Variants in CCDC178 observed in about 807,000 individuals in gnomAD.
CCDC178 encodes coiled-coil domain-containing protein 178.
CCDC178 carries 126 observed loss-of-function variants against 117.4 expected under a neutral mutation model. That is an observed-to-expected ratio of 1.07 (90% confidence interval 0.93 to 1.24). The LOEUF (loss-of-function observed/expected upper bound fraction) is 1.24, where lower values mean the gene tolerates loss of function less well. Among genes scored for constraint, CCDC178 ranks in the 50% most tolerant of loss-of-function variants. The probability of loss-of-function intolerance (pLI) is 0.00; values close to 1 mark genes in which losing one functional copy is unlikely to be tolerated. For missense variants in CCDC178, 1,030 were observed against 986.9 expected (o/e 1.04, Z -0.59); for synonymous variants, 283 against 313.4 (o/e 0.90, Z 1.02).
chr18:32,943,723 C>T (rs1399871420), intron 22 of CCDC178, among the ~76,000 whole-genome samples: 1 of 152,184 alleles, frequency 6.6e-6, no homozygotes, highest in Non-Finnish European at 1.5e-5. Context: ...ATACAAAGCA[C>T]TATGGTATGA....
intron 20 of CCDC178, among the ~76,000 whole-genome samples, chr18:33,176,068 A>ACC (rs1452931605): frequency 1.0e-4 from 15 of 150,692 alleles, no homozygotes; most frequent in African/African-American, 3.7e-4. Flanking sequence ...CCTTCCACAC[A>ACC]CCCCCTCCTC....
intron 15 of CCDC178, among the ~76,000 whole-genome samples, chr18:33,234,396 G>T (rs907032156): frequency 2.7e-4 from 41 of 151,766 alleles, no homozygotes; most frequent in Admixed American, 6.6e-5. Context: ...GAGTGGAAAA[G>T]AATCTTAGTA....
chr18:32,966,984 G>A (rs540231654), intron 22 of CCDC178, among the ~76,000 whole-genome samples: 1 of 151,548 alleles, frequency 6.6e-6, no homozygotes, highest in South Asian at 2.1e-4. Flanking sequence ...TCTCAGTTTT[G>A]TCCATTTTCT....
intron 11 of CCDC178, among the ~76,000 whole-genome samples, chr18:33,299,785 A>AC (rs397734399): frequency 2.1e-5 from 3 of 145,008 alleles, no homozygotes; most frequent in Non-Finnish European, 3.0e-5. Context: ...AAAAAAAAAA[A>AC]CACAAAAAAC....
At chr18:33,078,043 C>G (rs956325903) in intron 21 of CCDC178, among the ~76,000 whole-genome samples, 3 of 152,274 alleles carry the variant, frequency 2.0e-5, no homozygotes, top group African/African-American at 7.2e-5. Flanking sequence ...TAACAAAATA[C>G]TTGCAAACCA....
At chr18:32,958,068 C>T in intron 22 of CCDC178, 1 of 351,368 alleles carries the variant, frequency 2.8e-6, no homozygotes, top group Non-Finnish European at 5.3e-6. Context: ...ACTACTGAGC[C>T]AAGTCAGTGT....
chr18:33,289,696 A>G, intron 12 of CCDC178, among the ~76,000 whole-genome samples: 1 of 152,204 alleles, frequency 6.6e-6, no homozygotes, highest in East Asian at 1.9e-4. Flanking sequence ...TCTAACGAAC[A>G]GATAGAGTTG....
intron 21 of CCDC178, among the ~76,000 whole-genome samples, chr18:33,031,896 A>T (rs753079639): frequency 5.9e-5 from 9 of 152,154 alleles, no homozygotes; most frequent in Non-Finnish European, 8.8e-5. Flanking sequence ...TAGAGCAATG[A>T]GAATAAATAC....
chr18:33,354,537 C>T (rs1010493373), intron 7 of CCDC178, among the ~76,000 whole-genome samples: 1 of 151,872 alleles, frequency 6.6e-6, no homozygotes, highest in Non-Finnish European at 1.5e-5. Context: ...ATTATTCTGA[C>T]TGCTCAAAGC....
rs2055704426 is a variant in CCDC178 at position 33,004,231 on chromosome 18, A to T, written c.2389-29550T>A. 2.0e-5 allele frequency among the ~76,000 whole-genome samples: 3 copies of T among 152,134 alleles called. No homozygotes were observed. In the South Asian group the frequency reaches 6.2e-4, roughly 31 times the overall value. On this transcript the variant is annotated intron_variant, in intron 21 of 22. Coordinates refer to ENST00000383096, the MANE Select transcript of CCDC178 (RefSeq NM_001105528.4). ...GAATAGTCAGAGCTATCATGTGCAAAAAGAACAAAACTGGAGAAATCATAT... is the reference window on the plus strand; with the variant it reads ...GAATAGTCAGAGCTATCATGTGCAATAAGAACAAAACTGGAGAAATCATAT...
intron 22 of CCDC178, among the ~76,000 whole-genome samples, chr18:32,959,025 C>A (rs891538415): frequency 1.3e-5 from 2 of 152,144 alleles, no homozygotes; most frequent in Admixed American, 6.6e-5. Flanking sequence ...CAAGTTCTCC[C>A]ATCCTATCTG....
chr18:33,381,499 A>T (rs1025226643), intron 5 of CCDC178, among the ~76,000 whole-genome samples: 2 of 152,138 alleles, frequency 1.3e-5, no homozygotes, highest in African/African-American at 4.8e-5. Flanking sequence ...CCATCTTCAC[A>T]TTTCTGAATT....
In CCDC178 at chr18:33,389,587, T is replaced by C; in HGVS notation, c.161A>G (p.Lys54Arg). ...TTCATGAAAACCTTCACTGTTCTCCTTAGAGGCTCCATATAGAACCAAACT... is the reference window on the plus strand; with the variant it reads ...TTCATGAAAACCTTCACTGTTCTCCCTAGAGGCTCCATATAGAACCAAACT... ...SQSLVLYGAS[K>R]ENSEGFHESK... The change falls in exon 5 of 23, where the codon AAG (lysine) becomes AGG (arginine). Residue 54 changes from lysine to arginine, a missense_variant. Coordinates refer to ENST00000383096, the MANE Select transcript of CCDC178 (RefSeq NM_001105528.4). The C allele has an allele frequency of 6.5e-7, 1 of 1,530,236 alleles. No individual in the cohort carries two copies. The highest frequency in any genetic ancestry group is 8.8e-7 in the Non-Finnish European group (1 of 1,141,206). 94.8% of individuals were successfully genotyped at this position (1,530,236 alleles called of 1,614,324 possible).
intron 20 of CCDC178, among the ~76,000 whole-genome samples, chr18:33,120,057 G>T (rs1840531176): frequency 6.6e-6 from 1 of 151,932 alleles, no homozygotes; most frequent in African/African-American, 2.4e-5. Flanking sequence ...AGTGGGGAGG[G>T]ATAGCATTAG....
rs71177899 is a variant in CCDC178, at chr18:33,011,767, C to CAAAAAAAAA, written c.2389-37095_2389-37087dup. ...ACGTGGCAAATGATTGAGCAGAATG[C>CAAAAAAAAA]AAAAAAAAAAAAAAAAAAAAAAAAA... On this transcript the variant is annotated intron_variant, in intron 21 of 22. Coordinates refer to ENST00000383096, the MANE Select transcript of CCDC178 (RefSeq NM_001105528.4). Among the ~76,000 whole-genome samples, 8 of 30,010 alleles carry CAAAAAAAAA rather than the reference C, an allele frequency of 2.7e-4. 3 individuals are homozygous for CAAAAAAAAA. The highest frequency in any genetic ancestry group is 5.4e-4 in the Non-Finnish European group (6 of 11,130). 19.7% of individuals were successfully genotyped at this position (30,010 alleles called of 152,430 possible).
At position 33,145,134 on chromosome 18, in the gene CCDC178, A is replaced by G. The variant is rs538271936; in HGVS notation, c.2239-52224T>C. 2.6e-5 allele frequency among the ~76,000 whole-genome samples: 4 copies of G among 152,328 alleles called. No individual in the cohort carries two copies. The East Asian group carries it at 7.7e-4, about 29-fold the overall frequency. On this transcript the variant is annotated intron_variant, in intron 20 of 22. Transcript: ENST00000383096. The stretch of plus-strand genomic sequence containing the variant: ...CCAGACATCTAACCATTCTTGATCT[A>G]AAATACTTTTTAAAAGGTTTGGACT...
chr18:33,124,714 T>C (rs575493160), intron 20 of CCDC178, among the ~76,000 whole-genome samples: 9 of 152,212 alleles, frequency 5.9e-5, no homozygotes, highest in Admixed American at 1.3e-4. Context: ...TCATAATACG[T>C]GCAAAAGAAC....
At chr18:32,987,004 C>A (rs1290146666) in intron 21 of CCDC178, among the ~76,000 whole-genome samples, 1 of 150,782 alleles carries the variant, frequency 6.6e-6, no homozygotes, top group East Asian at 1.9e-4. Flanking sequence ...AGTGGTTTGG[C>A]CTTCAAGAAA....
chr18:33,182,496 C>T (rs2058743554), intron 20 of CCDC178, among the ~76,000 whole-genome samples: 1 of 151,902 alleles, frequency 6.6e-6, no homozygotes, highest in African/African-American at 2.4e-5. Context: ...TTTAAAATCT[C>T]ACTCTTTATA....
Sources: gnomAD v4.1 joint callset for allele counts (sites outside exome capture counted in the v4.1 genomes callset) on GRCh38, gnomAD v4.1.1 for gene constraint, MANE v1.5 for transcripts, NCBI Gene and HGNC (gene_info 2026-07-23, HGNC 2026-07-21) for gene names.